GPR137: variants seen among roughly 807,000 people sequenced by gnomAD.
The protein encoded by GPR137 is integral membrane protein GPR137.
A neutral mutation model predicts 38.9 loss-of-function variants in GPR137; 20 were observed. The ratio of observed to expected loss-of-function variants is 0.51; its 90% CI spans 0.36 to 0.75. GPR137 has a LOEUF of 0.75. Among genes scored for constraint, GPR137 ranks in the 30% least tolerant of loss-of-function variants. GPR137 has a pLI of 0.00. For synonymous variants in GPR137, 226 were observed against 235.8 expected (o/e 0.96, Z 0.38); for missense variants, 456 against 526.4 (o/e 0.87, Z 1.31).
upstream of GPR137, chr11:64,284,133 T>C (rs753264880): frequency 6.6e-7 from 1 of 1,515,530 alleles, no homozygotes; most frequent in South Asian, 1.3e-5. Context: ...AGGGAGCCAG[T>C]GGGCTGGGGG....
upstream of GPR137, chr11:64,284,789 G>T: frequency 6.5e-7 from 1 of 1,529,956 alleles, no homozygotes; most frequent in African/African-American, 1.4e-5. Context: ...GGGTCAACCC[G>T]GCCCGGCCCC....
At position 64,286,301 on chromosome 11, in the gene GPR137, C is replaced by A. The variant is rs750673324; in HGVS notation, c.-224C>A. The A allele has an allele frequency of 1.3e-4, 188 of 1,399,750 alleles. No individual in the cohort carries two copies. Among genetic ancestry groups the A allele is most frequent in the Non-Finnish European group, 1.7e-4 (187 of 1,082,362 alleles). The allele number at this position is 1,399,750 out of a possible 1,614,324, so 86.7% of individuals were successfully genotyped here. A position where few individuals can be genotyped will look rare whatever the true frequency, so the allele number is the denominator to read the frequency against. On this transcript the variant is annotated 5_prime_UTR_variant, in exon 1 of 7. Transcript: ENST00000438980. ...GTCCTGGAGAAAAGAGACTGCCCTTCCATGCCCCTGAGTGAGGGGCCTGGG... is the reference window on the plus strand; with the variant it reads ...GTCCTGGAGAAAAGAGACTGCCCTTACATGCCCCTGAGTGAGGGGCCTGGG...
chr11:64,283,145 A>AG (rs2033602308), upstream of GPR137, among the ~76,000 whole-genome samples: 2 of 152,206 alleles, frequency 1.3e-5, no homozygotes, highest in Non-Finnish European at 2.9e-5. Flanking sequence ...TAAGAGAGCG[A>AG]GGGGAAAGAG....
upstream of GPR137, among the ~76,000 whole-genome samples, chr11:64,280,643 G>T: frequency 6.7e-6 from 1 of 148,706 alleles, no homozygotes; most frequent in Middle Eastern, 3.8e-3. Context: ...GAGCCACCGC[G>T]CCTGGCCTAA....
chr11:64,284,990 T>A, upstream of GPR137: 1 of 1,305,382 alleles, frequency 7.7e-7, no homozygotes, highest in Non-Finnish European at 9.9e-7. Context: ...GGGCCTTAGT[T>A]TCCCCCCAGT....
chr11:64,284,417 G>A (rs375119597), upstream of GPR137: 136 of 1,608,736 alleles, frequency 8.5e-5, no homozygotes, highest in Non-Finnish European at 1.1e-4. Flanking sequence ...CACAGCTGGG[G>A]CCAACGGTGG....
At chr11:64,271,974 C>T (rs2032663963), upstream of GPR137, 1 of 446,434 alleles carries the variant, frequency 2.2e-6, no homozygotes, top group South Asian at 1.0e-4. Flanking sequence ...CGAGGGGAAG[C>T]TCAGGGGCCT....
In GPR137 at chr11:64,288,390, C is replaced by T; in HGVS notation, c.834C>T (p.Leu278=). ...LGNKGYLVFG[L]ILFVWELLPT... ...ACAAAGGCTACCTGGTATTTGGCCT[C>T]ATCCTCTTCGTGTGGGAGCTACTGC... Residue 278 remains leucine (L), a synonymous_variant, in exon 5 of 7, where the codon CTC becomes CTT. Coordinates refer to ENST00000438980, the MANE Select transcript of GPR137 (RefSeq NM_001170880.2). This position sits in a 1 kb window ranked among gnomAD's most constrained non-coding sequence, Gnocchi z 5.5. 1.2e-6 allele frequency: 2 copies of T among 1,613,922 alleles called. No individual in the cohort carries two copies. Among genetic ancestry groups the T allele is most frequent in the Non-Finnish European group, 1.7e-6 (2 of 1,180,014 alleles).
rs1231354467 is a variant in GPR137 at position 64,286,426 on chromosome 11, C to T, written c.-99C>T. ...TTCCTCCTGAGCGCCCCATCTCCCT[C>T]TCTGCACCCTGCAATTCCCACCCCT... On this transcript the variant is annotated 5_prime_UTR_variant, in exon 1 of 7. Transcript: ENST00000438980. 2 of 1,515,030 alleles carry T rather than the reference C, an allele frequency of 1.3e-6. No individual in the cohort carries two copies. The highest frequency in any genetic ancestry group is 1.8e-6 in the Non-Finnish European group (2 of 1,134,716). The allele number at this position is 1,515,030 out of a possible 1,614,324, so 93.8% of individuals were successfully genotyped here.
At chr11:64,272,694 A>G (rs1457944136), upstream of GPR137, 3 of 152,290 alleles carry the variant, frequency 2.0e-5, no homozygotes, top group Non-Finnish European at 4.4e-5. Context: ...GTGAGAAGAC[A>G]GAAGCTTAGA....
In GPR137 at chr11:64,288,952, T is replaced by C; in HGVS notation, c.1032-85T>C. Reference sequence around the variant, plus strand: ...CCGAAGGTCTAGGTCACAGGGGTTCTGTTCTAAGCCTGTCTTCCTCCTGCA... The same window carrying C: ...CCGAAGGTCTAGGTCACAGGGGTTCCGTTCTAAGCCTGTCTTCCTCCTGCA... On this transcript the variant is annotated intron_variant, in intron 6 of 6. Transcript: ENST00000438980. This position sits in a 1 kb window ranked among gnomAD's most constrained non-coding sequence, Gnocchi z 5.5. 1 of 1,452,020 alleles carries C rather than the reference T, an allele frequency of 6.9e-7. No homozygotes were observed. Among genetic ancestry groups the C allele is most frequent in the South Asian group, 1.4e-5 (1 of 69,678 alleles). The allele number at this position is 1,452,020 out of a possible 1,614,324, so 89.9% of individuals were successfully genotyped here.
intron 2 of GPR137, chr11:64,287,389 T>A: frequency 2.3e-6 from 2 of 880,854 alleles, no homozygotes; most frequent in Non-Finnish European, 2.7e-6. Context: ...CAGCCATCTT[T>A]TATTTGTACA....
upstream of GPR137, chr11:64,284,199 C>T (rs769943605): frequency 1.2e-6 from 2 of 1,600,618 alleles, no homozygotes; most frequent in East Asian, 4.5e-5. Context: ...ATGGCTGCTG[C>T]TGGTTGGCTG....
At chr11:64,274,682 G>A (rs1393417532), upstream of GPR137, among the ~76,000 whole-genome samples, 2 of 152,124 alleles carry the variant, frequency 1.3e-5, no homozygotes, top group Non-Finnish European at 2.9e-5. Context: ...TTAGCCAGGT[G>A]TGGTGGCGCG....
At chr11:64,276,857 G>T (rs773487022) in intron 2 of GPR137, 6 of 740,180 alleles carry the variant, frequency 8.1e-6, no homozygotes, top group African/African-American at 1.7e-5. Flanking sequence ...TGTGGAAGTG[G>T]AGGGTAGTGG....
At chr11:64,271,651 G>A, upstream of GPR137, 1 of 1,507,686 alleles carries the variant, frequency 6.6e-7, no homozygotes, top group Non-Finnish European at 8.9e-7. Context: ...ATCCTCCGGA[G>A]CTCGCGGCCA....
rs1235813022 is a variant in GPR137 at position 64,286,989 on chromosome 11, C to A, written c.382C>A (p.Arg128Ser). The A allele has an allele frequency of 6.8e-6, 11 of 1,613,878 alleles. No individual in the cohort carries two copies. Among genetic ancestry groups the A allele is most frequent in the Non-Finnish European group, 9.3e-6 (11 of 1,179,994 alleles). The change falls in exon 2 of 7, where the codon CGT (arginine) becomes AGT (serine). Residue 128 changes from arginine (R) to serine (S), a missense_variant. Arg to Ser is a moderately radical substitution (Grantham distance 110). Coordinates refer to ENST00000438980, the MANE Select transcript of GPR137 (RefSeq NM_001170880.2). ...AQVVFKAKVK[R>S]RPEMSRGLLA... is the part of the protein sequence containing the mutation. ...GGTGGTGTTCAAGGCCAAGGTGAAG[C>A]GTCGGCCGGAGATGAGCCGAGGCTT...
At chr11:64,271,588 T>C, upstream of GPR137, 1 of 1,405,534 alleles carries the variant, frequency 7.1e-7, no homozygotes, top group Non-Finnish European at 9.3e-7. Flanking sequence ...CTTCAGGTCC[T>C]GGCACGCTGG....
At chr11:64,277,003 A>G (rs760915308) in intron 2 of GPR137, 10 of 720,418 alleles carry the variant, frequency 1.4e-5, no homozygotes, top group Non-Finnish European at 2.6e-5. Context: ...TGGGATTTTC[A>G]GAGTCCTCAG....
Sources: gnomAD v4.1 joint callset for allele counts (sites outside exome capture counted in the v4.1 genomes callset) on GRCh38, gnomAD v4.1.1 for gene constraint, Gnocchi (gnomAD v3.1) non-coding constraint, MANE v1.5 for transcripts, NCBI Gene and HGNC (gene_info 2026-07-23, HGNC 2026-07-21) for gene names.